The following CTNNA3 variants were observed in gnomAD, a reference collection of about 807,000 sequenced individuals.
The protein encoded by CTNNA3 is catenin alpha 3.
A neutral mutation model predicts 95.7 loss-of-function variants in CTNNA3; 76 were observed. That is an observed-to-expected ratio of 0.79 (90% CI 0.66 to 0.96). The LOEUF (loss-of-function observed/expected upper bound fraction) is 0.96. Ranked by LOEUF, CTNNA3 falls within the 40% of genes least tolerant of loss-of-function variation. CTNNA3 has a pLI of 0.00. For missense variants in CTNNA3, 1,191 were observed against 1,089.8 expected (o/e 1.09, Z -1.31); for synonymous variants, 431 against 374.4 (o/e 1.15, Z -1.74).
chr10:66,825,282 TA>T (rs141143977), intron 7 of CTNNA3, among the ~76,000 whole-genome samples: 8,433 of 126,666 alleles, frequency 0.067, 384 homozygotes, highest in East Asian at 0.27. Context: ...TATATATATA[TA>T]TTTTTTTTTT....
chr10:66,087,228 C>G (rs929446515), intron 14 of CTNNA3, among the ~76,000 whole-genome samples: 1 of 152,090 alleles, frequency 6.6e-6, no homozygotes, highest in African/African-American at 2.4e-5. Context: ...TAAAGTGGAC[C>G]TCATCTCACC....
intron 10 of CTNNA3, among the ~76,000 whole-genome samples, chr10:66,528,882 G>C (rs79378333): frequency 0.043 from 6,605 of 152,112 alleles, 195 homozygotes; most frequent in South Asian, 0.067. Context: ...GTGATCAAGA[G>C]TGTGCAGTGA....
intron 3 of CTNNA3, among the ~76,000 whole-genome samples, chr10:67,597,276 G>C (rs993246616): frequency 6.6e-6 from 1 of 152,270 alleles, no homozygotes; most frequent in East Asian, 1.9e-4. Flanking sequence ...AGCCATTTCA[G>C]TTGGGTTAAA....
chr10:67,728,256 C>T (rs575905630), intron 1 of CTNNA3, among the ~76,000 whole-genome samples: 61 of 148,708 alleles, frequency 4.1e-4, no homozygotes, highest in African/African-American at 1.4e-3. Context: ...GAGTTCAAGA[C>T]CAGCCTGGCC....
At chr10:67,037,871 G>A (rs2133133632) in intron 7 of CTNNA3, among the ~76,000 whole-genome samples, 1 of 152,220 alleles carries the variant, frequency 6.6e-6, no homozygotes, top group Non-Finnish European at 1.5e-5. Context: ...TGATATTATG[G>A]AAACCCAGAG....
At chr10:67,731,128 T>C (rs1841271505) in intron 1 of CTNNA3, among the ~76,000 whole-genome samples, 1 of 152,038 alleles carries the variant, frequency 6.6e-6, no homozygotes, top group Admixed American at 6.6e-5. Flanking sequence ...TAGAAGTAAA[T>C]ACCAGAATAA....
intron 9 of CTNNA3, among the ~76,000 whole-genome samples, chr10:66,722,885 T>C (rs1192090526): frequency 6.6e-6 from 1 of 152,054 alleles, no homozygotes; most frequent in Non-Finnish European, 1.5e-5. Context: ...ACAGTCCTTG[T>C]TTAGGATTGG....
chr10:66,187,069 G>A (rs897621948), intron 13 of CTNNA3, among the ~76,000 whole-genome samples: 3 of 152,114 alleles, frequency 2.0e-5, no homozygotes, highest in African/African-American at 4.8e-5. Flanking sequence ...GGAGGGAGCA[G>A]AATAGATTTA....
chr10:67,180,983 A>G (rs1862512114), intron 6 of CTNNA3, among the ~76,000 whole-genome samples: 1 of 152,188 alleles, frequency 6.6e-6, no homozygotes, highest in Non-Finnish European at 1.5e-5. Context: ...ACCATGAGGA[A>G]GTAGGCAGCA....
intron 14 of CTNNA3, among the ~76,000 whole-genome samples, chr10:66,069,728 G>A (rs2080392445): frequency 6.6e-6 from 1 of 152,114 alleles, no homozygotes; most frequent in Non-Finnish European, 1.5e-5. Context: ...AGAACTTGGT[G>A]TCCAACATAC....
chr10:66,230,934 G>A (rs1207872574), intron 13 of CTNNA3, among the ~76,000 whole-genome samples: 1 of 152,144 alleles, frequency 6.6e-6, no homozygotes, highest in Non-Finnish European at 1.5e-5. Flanking sequence ...GGTAGATGAG[G>A]TGGAAGGTCA....
In CTNNA3 at chr10:66,360,739, TCTTTCTTCCTTCCTTCCTTC is replaced by T. The variant is rs1272728900; in HGVS notation, c.1732+18393_1732+18412del. Among the ~76,000 whole-genome samples the T allele has an allele frequency of 3.7e-4, 30 of 82,132 alleles. 4 individuals are homozygous for T. The highest frequency in any genetic ancestry group is 6.3e-4 in the Non-Finnish European group (26 of 41,474). The allele number at this position is 82,132 out of a possible 152,430, so 53.9% of individuals were successfully genotyped here. Reference sequence around the variant, plus strand: ...TCCTTTCTTCCTTTCTTTCTTTCTTTCTTTCTTCCTTCCTTCCTTCCTTCCTTCCTTTTCTTTCTTTCTTT... The same window carrying T: ...TCCTTTCTTCCTTTCTTTCTTTCTTTCTTCCTTCCTTTTCTTTCTTTCTTT... On this transcript the variant is annotated intron_variant, in intron 12 of 17. Coordinates refer to ENST00000433211, the MANE Select transcript of CTNNA3 (RefSeq NM_013266.4).
At chr10:66,298,014 T>C (rs1022642413) in intron 12 of CTNNA3, among the ~76,000 whole-genome samples, 1 of 152,218 alleles carries the variant, frequency 6.6e-6, no homozygotes, top group Non-Finnish European at 1.5e-5. Flanking sequence ...GACTCCATAA[T>C]TTGTAATAAA....
chr10:67,511,975 A>G (rs1289553724), intron 5 of CTNNA3, among the ~76,000 whole-genome samples: 1 of 152,056 alleles, frequency 6.6e-6, no homozygotes, highest in Non-Finnish European at 1.5e-5. Flanking sequence ...TTTCTAGTTT[A>G]TTTGCGTAGA....
chr10:66,119,266 T>C (rs1208386198), intron 13 of CTNNA3, among the ~76,000 whole-genome samples: 3 of 152,214 alleles, frequency 2.0e-5, no homozygotes, highest in Non-Finnish European at 4.4e-5. Flanking sequence ...ACTGTTTTAT[T>C]CAAAACTTCA....
chr10:66,743,202 A>G (rs1050751633), intron 9 of CTNNA3, among the ~76,000 whole-genome samples: 1 of 152,208 alleles, frequency 6.6e-6, no homozygotes, highest in Non-Finnish European at 1.5e-5. Flanking sequence ...CATGTATTTT[A>G]CAGGGATAAA....
chr10:67,228,528 G>A (rs1480451068), intron 5 of CTNNA3, among the ~76,000 whole-genome samples: 2 of 152,030 alleles, frequency 1.3e-5, no homozygotes, highest in South Asian at 2.1e-4. Context: ...CAGGAGAATC[G>A]CTTGAAACCG....
chr10:67,055,566 C>T (rs1321740535), intron 7 of CTNNA3, among the ~76,000 whole-genome samples: 1 of 152,120 alleles, frequency 6.6e-6, no homozygotes, highest in African/African-American at 2.4e-5. Context: ...GGAAAATTTT[C>T]TAAGCAATAA....
At chr10:67,184,488 G>A (rs1862739757) in intron 6 of CTNNA3, among the ~76,000 whole-genome samples, 1 of 152,204 alleles carries the variant, frequency 6.6e-6, no homozygotes, top group Admixed American at 6.5e-5. Context: ...CAAGTAGAAA[G>A]TTGGCTCAAC....
Sources: allele counts gnomAD v4.1 joint callset (sites outside exome capture counted in the v4.1 genomes callset), GRCh38; gene constraint gnomAD v4.1.1; transcripts MANE v1.5; gene names NCBI Gene and HGNC (gene_info 2026-07-23, HGNC 2026-07-21).